Variants in XPO4 observed in about 807,000 individuals in gnomAD.
XPO4 encodes exportin-4.
In XPO4, 39 loss-of-function variants were observed where a neutral mutation model predicts 143.0. The ratio of observed to expected loss-of-function variants is 0.27; its 90% CI spans 0.21 to 0.36. The LOEUF (loss-of-function observed/expected upper bound fraction) is 0.36. Ranked by LOEUF, XPO4 falls within the 10% of genes least tolerant of loss-of-function variation. XPO4 has a pLI of 1.00. For missense variants in XPO4, 907 were observed against 1,348.0 expected (o/e 0.67, Z 5.12); for synonymous variants, 439 against 474.0 (o/e 0.93, Z 0.96).
At chr13:20,872,074 C>T (rs897143490) in intron 1 of XPO4, among the ~76,000 whole-genome samples, 4 of 152,104 alleles carry the variant, frequency 2.6e-5, no homozygotes, top group African/African-American at 4.8e-5. Context: ...CCAGACAGTC[C>T]GGGAAACCTT....
At position 20,778,296 on chromosome 13, in the gene XPO4, G is replaced by A. The variant is rs1391663230; in HGVS notation, c.*5426C>T. On this transcript the variant is annotated 3_prime_UTR_variant, in exon 23 of 23. Transcript: ENST00000255305. ...AACAACTTTTCTTTATCCACCTTTG[G>A]AGTGGAATAAATCTCAATATAAGCT... The A allele has an allele frequency of 6.6e-6, 1 of 152,084 alleles. No individual in the cohort carries two copies. The highest frequency in any genetic ancestry group is 1.5e-5 in the Non-Finnish European group (1 of 68,006). 9.4% of individuals were successfully genotyped at this position (152,084 alleles called of 1,614,324 possible). A position where few individuals can be genotyped will look rare whatever the true frequency, so the allele number is the denominator to read the frequency against.
chr13:20,862,261 T>C (rs563352475), intron 3 of XPO4, among the ~76,000 whole-genome samples: 1 of 152,276 alleles, frequency 6.6e-6, no homozygotes, highest in South Asian at 2.1e-4. Flanking sequence ...TCATCTAATC[T>C]AAGGTCAACT....
chr13:20,842,830 C>T (rs1257568409), intron 6 of XPO4, 65 bp downstream of exon 6: 10 of 1,437,380 alleles, frequency 7.0e-6, no homozygotes, highest in South Asian at 4.4e-5. Context: ...TGAAAGACTC[C>T]GAGCTGTAAT....
At position 20,780,330 on chromosome 13, in the gene XPO4, G is replaced by A. The variant is rs1409679096; in HGVS notation, c.*3392C>T. ...ATATTATTTCAGGGTTCAGAATGAT[G>A]TTGAATACTAGGAGACTCAAACTTG... On this transcript the variant is annotated 3_prime_UTR_variant, in exon 23 of 23. Coordinates refer to ENST00000255305, the MANE Select transcript of XPO4 (RefSeq NM_022459.5). The A allele has an allele frequency of 6.6e-6, 1 of 152,196 alleles. No individual in the cohort carries two copies. Among genetic ancestry groups the A allele is most frequent in the Non-Finnish European group, 1.5e-5 (1 of 68,032 alleles). The allele number at this position is 152,196 out of a possible 1,614,324, so 9.4% of individuals were successfully genotyped here.
At chr13:20,787,378 C>T in intron 21 of XPO4, 103 bp downstream of exon 21, 1 of 1,124,176 alleles carries the variant, frequency 8.9e-7, no homozygotes, top group Non-Finnish European at 1.3e-6. Context: ...TTTCCTTGCC[C>T]CCGAAAGAAT....
intron 3 of XPO4, among the ~76,000 whole-genome samples, chr13:20,859,585 C>A (rs1418855061): frequency 6.6e-6 from 1 of 151,238 alleles, no homozygotes; most frequent in Non-Finnish European, 1.5e-5. Context: ...GGATGACAGA[C>A]CGAGACTCCG....
intron 1 of XPO4, among the ~76,000 whole-genome samples, chr13:20,874,540 T>C (rs957136583): frequency 3.9e-5 from 6 of 152,236 alleles, no homozygotes; most frequent in Admixed American, 6.5e-5. Flanking sequence ...AGTGGGGTCC[T>C]GATAAAAGGT....
intron 18 of XPO4, among the ~76,000 whole-genome samples, chr13:20,795,004 A>AT (rs201172625): frequency 4.3e-4 from 55 of 128,010 alleles, no homozygotes; most frequent in Non-Finnish European, 7.8e-4. Context: ...TTGCCCAAGA[A>AT]TTTAAAAAAA....
intron 6 of XPO4, among the ~76,000 whole-genome samples, chr13:20,830,351 T>C (rs966198486): frequency 4.6e-5 from 7 of 152,218 alleles, no homozygotes; most frequent in African/African-American, 1.7e-4. Flanking sequence ...AGGATTTTTA[T>C]CTCTGGCATG....
chr13:20,863,204 G>T, intron 2 of XPO4: 1 of 748,206 alleles, frequency 1.3e-6, no homozygotes, highest in South Asian at 5.6e-5. Context: ...CTCACCCTGT[G>T]CAAAACAGAA....
chr13:20,864,444 T>C (rs2060227395), intron 2 of XPO4, among the ~76,000 whole-genome samples: 2 of 152,064 alleles, frequency 1.3e-5, no homozygotes, highest in African/African-American at 4.8e-5. Context: ...TGAAGCAAAA[T>C]CTAAGGTACT....
At chr13:20,818,625 T>C (rs2059680338) in intron 9 of XPO4, among the ~76,000 whole-genome samples, 1 of 152,150 alleles carries the variant, frequency 6.6e-6, no homozygotes, top group South Asian at 2.1e-4. Flanking sequence ...ATAAAAATCA[T>C]TTAAAAAATA....
intron 9 of XPO4, among the ~76,000 whole-genome samples, chr13:20,812,504 G>A (rs550762026): frequency 7.5e-4 from 114 of 151,980 alleles, no homozygotes; most frequent in African/African-American, 2.7e-3. Flanking sequence ...AAGGGTAGGC[G>A]TCTTTACATT....
Position 20,780,142 on chromosome 13 carries a change from C to G in XPO4, c.*3580G>C, listed in dbSNP as rs1485015176. On this transcript the variant is annotated 3_prime_UTR_variant, in exon 23 of 23. Coordinates refer to ENST00000255305, the MANE Select transcript of XPO4 (RefSeq NM_022459.5). Reference sequence around the variant, plus strand: ...CTGGTTTTAGAAAACACAAACAAACCTTAAGAAGTACCGAGGTTCCTTCTG... The same window carrying G: ...CTGGTTTTAGAAAACACAAACAAACGTTAAGAAGTACCGAGGTTCCTTCTG... 6.6e-6 allele frequency: 1 copy of G among 152,100 alleles called. No individual in the cohort carries two copies. Among genetic ancestry groups the G allele is most frequent in the African/African-American group, 2.4e-5 (1 of 41,424 alleles). The allele number at this position is 152,100 out of a possible 1,614,324, so 9.4% of individuals were successfully genotyped here.
intron 7 of XPO4, among the ~76,000 whole-genome samples, chr13:20,826,368 C>G (rs2137984056): frequency 1.3e-5 from 2 of 152,320 alleles, no homozygotes; most frequent in Middle Eastern, 6.8e-3. Context: ...AATAGCAGTT[C>G]TCAAACTATG....
chr13:20,877,842 A>G (rs1044887823), intron 1 of XPO4, among the ~76,000 whole-genome samples: 1 of 152,228 alleles, frequency 6.6e-6, no homozygotes, highest in African/African-American at 2.4e-5. Context: ...CTAGTAACAC[A>G]TGGAAATGCA....
At chr13:20,897,132 G>C (rs2060577238) in intron 1 of XPO4, among the ~76,000 whole-genome samples, 1 of 151,970 alleles carries the variant, frequency 6.6e-6, no homozygotes, top group Non-Finnish European at 1.5e-5. Context: ...CTACAAGACA[G>C]GGCTGAAATA....
At chr13:20,828,487 T>C (rs2059814416) in intron 6 of XPO4, among the ~76,000 whole-genome samples, 1 of 152,204 alleles carries the variant, frequency 6.6e-6, no homozygotes, top group Non-Finnish European at 1.5e-5. Flanking sequence ...AATAATGCTC[T>C]GGAAACTTTT....
At chr13:20,856,153 GA>G (rs11408375) in intron 3 of XPO4, 1 of 224,286 alleles carries the variant, frequency 4.5e-6, no homozygotes, top group Non-Finnish European at 7.4e-6. Flanking sequence ...TATTTGTAGG[GA>G]AAAAAATCAC....
Sources: gnomAD v4.1 joint callset for allele counts (sites outside exome capture counted in the v4.1 genomes callset) on GRCh38, gnomAD v4.1.1 for gene constraint, MANE v1.5 for transcripts, NCBI Gene and HGNC (gene_info 2026-07-23, HGNC 2026-07-21) for gene names.